WDR62: variants seen among roughly 807,000 people sequenced by gnomAD.
WDR62 encodes the protein WD repeat-containing protein 62.
In WDR62, 112 loss-of-function variants were observed where a neutral mutation model predicts 160.6. That is an observed-to-expected ratio of 0.70 (90% confidence interval 0.60 to 0.82). WDR62 has a LOEUF of 0.82. WDR62 is among the 40% of genes least tolerant of loss of function. The pLI is 0.00. For synonymous variants in WDR62, 792 were observed against 815.1 expected (o/e 0.97, Z 0.48); for missense variants, 1,819 against 1,983.8 (o/e 0.92, Z 1.58).
intron 1 of WDR62, 110 bp from the exon 2 acceptor site, chr19:36,058,670 A>T (rs1055335975): frequency 1.3e-6 from 1 of 793,498 alleles, no homozygotes; most frequent in African/African-American, 1.7e-5. Context: ...TGGCCACAGA[A>T]GCTCAGTGTG....
Position 36,089,068 on chromosome 19 carries a change from G to A in WDR62, c.1799G>A (p.Gly600Glu). 1 of 1,614,146 alleles carries A rather than the reference G, an allele frequency of 6.2e-7. No homozygotes were observed. The highest frequency in any genetic ancestry group is 8.5e-7 in the Non-Finnish European group (1 of 1,180,028). ...AGAGACATCCAGATGATCAGCTGTG[G>A]GGCTGACAAGAGCATCTACTTTCGC... The part of the protein sequence containing the change: ...GNRDIQMISC[G>E]ADKSIYFRSA... Residue 600 changes from glycine (G) to glutamate (E), a missense_variant, in exon 14 of 32, where the codon GGG (glycine) becomes GAG (glutamate). Physicochemically the swap from Gly to Glu is moderately conservative, Grantham distance 98. This residue lies in a region of WDR62 where 934 missense variants were observed against 1,157.2 expected (regional missense o/e 0.81). Coordinates refer to ENST00000401500, the MANE Select transcript of WDR62 (RefSeq NM_001083961.2).
At chr19:36,073,633 C>G in intron 9 of WDR62, 102 bp downstream of exon 9, 1 of 941,006 alleles carries the variant, frequency 1.1e-6, no homozygotes, top group East Asian at 2.6e-5. Context: ...CTCATTGACT[C>G]CCTCCTATGC....
chr19:36,067,695 G>A lies in WDR62; in HGVS notation c.700-133G>A. On this transcript the variant is annotated intron_variant, in intron 6 of 31. Transcript: ENST00000401500. ...CAGCCCCTCTGTCCAGAGTGGCAGG[G>A]TTCTAGTGTTTTCTTCCCTTCTCCA... 3 of 1,129,186 alleles carry A rather than the reference G, an allele frequency of 2.7e-6. No individual in the cohort carries two copies. The Admixed American group carries it at 5.9e-5, about 22-fold the overall frequency. 69.9% of individuals were successfully genotyped at this position (1,129,186 alleles called of 1,614,324 possible). A position where few individuals can be genotyped will look rare whatever the true frequency, so the allele number is the denominator to read the frequency against.
At chr19:36,061,736 C>G (rs1970656635) in intron 3 of WDR62, 1 of 152,146 alleles carries the variant, frequency 6.6e-6, no homozygotes, top group Non-Finnish European at 1.5e-5. Context: ...GATTTTCACT[C>G]CAACTGCATA....
At position 36,103,612 on chromosome 19, in the gene WDR62, G is replaced by A; in HGVS notation, c.3784G>A (p.Gly1262Ser). 1 of 1,612,402 alleles carries A rather than the reference G, an allele frequency of 6.2e-7. No homozygotes were observed. Among genetic ancestry groups the A allele is most frequent in the Non-Finnish European group, 8.5e-7 (1 of 1,179,990 alleles). Reference sequence around the variant, plus strand: ...GTCCGTTGGGGAGCTGGCCTCCTTGGGCCAGGAGCTTCAGGCCATCACCAC... The same window carrying A: ...GTCCGTTGGGGAGCTGGCCTCCTTGAGCCAGGAGCTTCAGGCCATCACCAC... ...PSSVGELASL[G>S]QELQAITTAT... Residue 1262 changes from glycine (G) to serine (S), a missense_variant, in exon 30 of 32, where the codon GGC becomes AGC. This residue lies in a region of WDR62 where 770 missense variants were observed against 734.2 expected (regional missense o/e 1.05). Coordinates refer to ENST00000401500, the MANE Select transcript of WDR62 (RefSeq NM_001083961.2).
chr19:36,086,799 C>T lies in WDR62; in HGVS notation c.1755C>T (p.Ala585=). The change falls in exon 13 of 32, where the codon GCC becomes GCT. Residue 585 remains alanine (A), a synonymous_variant. Transcript: ENST00000401500. ...TLDDHSSSIT[A]IKFAGNRDIQ... is the part of the protein sequence containing the mutation. ...ATGACCACTCCTCCTCCATCACCGC[C>T]ATCAAGTTCGCTGGTGAGCCCCTTT... The T allele has an allele frequency of 1.9e-6, 3 of 1,609,938 alleles. No homozygotes were observed. Among genetic ancestry groups the T allele is most frequent in the Non-Finnish European group, 2.5e-6 (3 of 1,177,874 alleles).
intron 6 of WDR62, 79 bp downstream of exon 6, chr19:36,067,522 T>A: frequency 6.3e-7 from 1 of 1,596,196 alleles, no homozygotes; most frequent in Non-Finnish European, 8.6e-7. Flanking sequence ...TGTTTCTCCC[T>A]GAGATTTGAG....
chr19:36,099,234 A>C (rs1021436760), intron 21 of WDR62, among the ~76,000 whole-genome samples, 165 bp from the exon 22 acceptor site: 19 of 149,686 alleles, frequency 1.3e-4, no homozygotes, highest in African/African-American at 4.8e-4. Context: ...AAAAAAAAAA[A>C]AAAAAAAAAA....
At position 36,083,113 on chromosome 19, in the gene WDR62, C is replaced by G; in HGVS notation, c.1422C>G (p.Asp474Glu). Residue 474 changes from aspartate to glutamate, a missense_variant, in exon 11 of 32, where the codon GAC becomes GAG. Physicochemically the swap from Asp to Glu is conservative, Grantham distance 45. Transcript: ENST00000401500. ...YVENDIQHLQDMSHFPDRGSE... is the reference protein window; with the variant it reads ...YVENDIQHLQEMSHFPDRGSE... ...AGAATGACATCCAGCACCTGCAGGACATGTCACACTTCCCAGACCGGGGGA... is the reference window on the plus strand; with the variant it reads ...AGAATGACATCCAGCACCTGCAGGAGATGTCACACTTCCCAGACCGGGGGA... The G allele has an allele frequency of 6.2e-7, 1 of 1,613,746 alleles. No homozygotes were observed.
At chr19:36,081,916 G>A (rs1356236031) in intron 10 of WDR62, 1 of 480,462 alleles carries the variant, frequency 2.1e-6, no homozygotes, top group Non-Finnish European at 4.1e-6. Context: ...TGATGAGCCA[G>A]CCCATTCAGC....
At chr19:36,099,213 C>T (rs1392977961) in intron 21 of WDR62, among the ~76,000 whole-genome samples, 186 bp from the exon 22 acceptor site, 3 of 101,600 alleles carry the variant, frequency 3.0e-5, no homozygotes, top group Non-Finnish European at 5.5e-5. Flanking sequence ...CAGAGCAAGA[C>T]TTCGTCTCAA....
intron 3 of WDR62, 38 bp from the exon 4 acceptor site, chr19:36,065,920 C>T (rs1279117980): frequency 6.2e-7 from 1 of 1,607,786 alleles, no homozygotes; most frequent in Non-Finnish European, 8.5e-7. Flanking sequence ...TGGCCACCCT[C>T]AGCGGAACCA....
downstream of WDR62, among the ~76,000 whole-genome samples, chr19:36,109,763 A>T (rs938005043): frequency 3.5e-5 from 5 of 141,200 alleles, no homozygotes; most frequent in African/African-American, 1.1e-4. Context: ...AACAAAAAAA[A>T]TAAAAACAGG....
Position 36,092,809 on chromosome 19 carries a change from C to T in WDR62, c.2331C>T (p.Pro777=), listed in dbSNP as rs201036641. 6 of 1,613,938 alleles carry T rather than the reference C, an allele frequency of 3.7e-6. No homozygotes were observed. The highest frequency in any genetic ancestry group is 1.7e-4 in the Middle Eastern group (1 of 6,050). The change falls in exon 19 of 32, where the codon CCC becomes CCT. Residue 777 remains proline (P), a splice_region_variant and synonymous_variant. Transcript: ENST00000401500. ...HTNDKKRSGH[P]RQDTYVSTPS... is the part of the protein sequence containing the mutation. ...ATGACAAGAAGCGGAGTGGCCACCC[C>T]AGGTCCTGGCAGCCCCTGCCTGTCC...
chr19:36,063,189 C>G (rs1318308327), intron 3 of WDR62, among the ~76,000 whole-genome samples: 1 of 152,214 alleles, frequency 6.6e-6, no homozygotes, highest in African/African-American at 2.4e-5. Flanking sequence ...GTGATCCGCC[C>G]GCCTTGGCCT....
rs779922053 is a variant in WDR62, at chr19:36,067,302, C to T, written c.562-4C>T. ...CATGAGCTTCTCTGCACTTATTCTT[C>T]CAGAAAGACATCGTAGTGGCCTCCA... is the stretch of plus-strand genomic sequence containing the variant. On this transcript the variant is annotated splice_polypyrimidine_tract_variant and splice_region_variant and intron_variant, in intron 5 of 31. Coordinates refer to ENST00000401500, the MANE Select transcript of WDR62 (RefSeq NM_001083961.2). The T allele has an allele frequency of 1.9e-5, 30 of 1,614,004 alleles. No individual in the cohort carries two copies. Among genetic ancestry groups the T allele is most frequent in the Non-Finnish European group, 2.3e-5 (27 of 1,180,036 alleles).
chr19:36,099,645 A>G (rs1330860997), intron 22 of WDR62, 28 bp downstream of exon 22: 2 of 1,611,328 alleles, frequency 1.2e-6, no homozygotes. Flanking sequence ...AGCCTGGCCC[A>G]TAGCCCCGGC....
intron 7 of WDR62, 117 bp from the exon 8 acceptor site, chr19:36,071,439 A>T: frequency 2.5e-6 from 3 of 1,183,174 alleles, no homozygotes; most frequent in African/African-American, 1.5e-5. Context: ...TGGGTGTCTT[A>T]GACCCAAGGA....
At position 36,104,920 on chromosome 19, in the gene WDR62, G is replaced by T. The variant is rs754718956; in HGVS notation, c.4464G>T (p.Pro1488=). 1.1e-5 allele frequency: 17 copies of T among 1,609,824 alleles called. No homozygotes were observed. The highest frequency in any genetic ancestry group is 1.4e-5 in the Non-Finnish European group (17 of 1,179,282). The change falls in exon 32 of 32, where the codon CCG becomes CCT. Residue 1488 remains proline (P), a synonymous_variant. Coordinates refer to ENST00000401500, the MANE Select transcript of WDR62 (RefSeq NM_001083961.2). The part of the protein sequence containing the change: ...PAQALPSPGP[P]SPPTLYPLAS... ...AGGCTCTGCCCAGCCCAGGACCCCCGTCCCCACCGACGCTGTACCCCCTGG... is the reference window on the plus strand; with the variant it reads ...AGGCTCTGCCCAGCCCAGGACCCCCTTCCCCACCGACGCTGTACCCCCTGG...
Sources: gnomAD v4.1 joint callset for allele counts (sites outside exome capture counted in the v4.1 genomes callset) on GRCh38, gnomAD v4.1.1 for gene constraint, gnomAD v4.1.1 regional missense constraint, MANE v1.5 for transcripts, NCBI Gene and HGNC (gene_info 2026-07-23, HGNC 2026-07-21) for gene names.